Variants in CDC123 observed in about 807,000 individuals in gnomAD.
CDC123 encodes the protein translation initiation factor eIF2 assembly protein.
In CDC123, 37 loss-of-function variants were observed where a neutral mutation model predicts 54.4. The observed-to-expected ratio is 0.68, with a 90% confidence interval of 0.52 to 0.89. The LOEUF (loss-of-function observed/expected upper bound fraction) is 0.89. CDC123 is among the 40% of genes least tolerant of loss of function. CDC123 has a pLI of 0.00. For missense variants in CDC123, 361 were observed against 412.1 expected (o/e 0.88, Z 1.07); for synonymous variants, 144 against 136.8 (o/e 1.05, Z -0.37).
chr10:12,249,100 G>A (rs1452792859), intron 11 of CDC123, among the ~76,000 whole-genome samples: 1 of 148,138 alleles, frequency 6.8e-6, no homozygotes, highest in Non-Finnish European at 1.5e-5. Context: ...CTGCACTCCA[G>A]TCTGAGAACA....
chr10:12,224,886 TGA>T (rs1368764382), intron 6 of CDC123, among the ~76,000 whole-genome samples: 1 of 152,144 alleles, frequency 6.6e-6, no homozygotes, highest in African/African-American at 2.4e-5. Context: ...GTAGCCAGAC[TGA>T]GTTTTCTAGC....
intron 11 of CDC123, chr10:12,247,776 G>A (rs11257615): frequency 0.17 from 26,038 of 152,102 alleles, 2,356 homozygotes; most frequent in East Asian, 0.34. Context: ...CAAGACGGGC[G>A]GATCAGGAAG....
At chr10:12,239,475 G>T (rs1836024997) in intron 10 of CDC123, among the ~76,000 whole-genome samples, 1 of 152,190 alleles carries the variant, frequency 6.6e-6, no homozygotes, top group Non-Finnish European at 1.5e-5. Context: ...CACTTTGGGA[G>T]GCTGAGGCGG....
At chr10:12,240,764 G>T (rs920193812) in intron 10 of CDC123, among the ~76,000 whole-genome samples, 1 of 151,402 alleles carries the variant, frequency 6.6e-6, no homozygotes, top group Admixed American at 6.6e-5. Context: ...AGCTACTCCC[G>T]GGAGCTGAGT....
chr10:12,206,832 G>A (rs368756309), intron 2 of CDC123, among the ~76,000 whole-genome samples: 29 of 151,952 alleles, frequency 1.9e-4, no homozygotes, highest in South Asian at 1.0e-3. Context: ...GGTGGCGGGC[G>A]CCTGGAGTCC....
chr10:12,209,901 C>A, intron 2 of CDC123, 66 bp from the exon 3 acceptor site: 1 of 1,462,738 alleles, frequency 6.8e-7, no homozygotes, highest in Non-Finnish European at 9.6e-7. Context: ...ACTCAGTACC[C>A]CTGAAATTAG....
Position 12,224,908 on chromosome 10 carries a change from G to C in CDC123, c.441-6040G>C, listed in dbSNP as rs142533609. Among the ~76,000 whole-genome samples, 961 of 152,132 alleles carry C rather than the reference G, an allele frequency of 6.3e-3. 12 individuals carry two copies. The highest frequency in any genetic ancestry group is 0.022 in the African/African-American group (900 of 41,488). ...GACTGAGTTTTCTAGCTGAAGCTGC[G>C]GCCCTGAAGGCTATGCTTGGGGTCC... On this transcript the variant is annotated intron_variant, in intron 6 of 12. Coordinates refer to ENST00000281141, the MANE Select transcript of CDC123 (RefSeq NM_006023.3).
intron 1 of CDC123, among the ~76,000 whole-genome samples, chr10:12,197,221 A>G (rs1835367543): frequency 6.6e-6 from 1 of 152,246 alleles, no homozygotes; most frequent in Non-Finnish European, 1.5e-5. Flanking sequence ...TAATCAGCAA[A>G]TAGACATATT....
chr10:12,200,860 G>C (rs148605165), intron 2 of CDC123, among the ~76,000 whole-genome samples: 5,743 of 152,176 alleles, frequency 0.038, 134 homozygotes, highest in African/African-American at 0.043. Context: ...TTGAACGCAG[G>C]AGGTGGAGGT....
intron 6 of CDC123, among the ~76,000 whole-genome samples, chr10:12,229,228 AC>A (rs910442400): frequency 6.6e-6 from 1 of 152,016 alleles, no homozygotes; most frequent in African/African-American, 2.4e-5. Flanking sequence ...CGTTTTTTAA[AC>A]CCCTGGTACC....
rs1283335562 is a variant in CDC123, at chr10:12,235,130, T to G, written c.565+7T>G. The G allele has an allele frequency of 4.1e-5, 66 of 1,606,040 alleles. No homozygotes were observed. The highest frequency in any genetic ancestry group is 1.6e-4 in the Middle Eastern group (1 of 6,064). On this transcript the variant is annotated splice_region_variant and intron_variant, in intron 8 of 12. Transcript: ENST00000281141. ...AAGGAAAACAAGCTTATTGGTGAGT[T>G]TTTGTTTGTTTGTTTGTTTTATCCT...
chr10:12,224,072 C>T (rs1835772331), intron 6 of CDC123, among the ~76,000 whole-genome samples: 1 of 152,022 alleles, frequency 6.6e-6, no homozygotes, highest in African/African-American at 2.4e-5. Context: ...GCCTTTGCGT[C>T]TTCATAGCTT....
intron 2 of CDC123, among the ~76,000 whole-genome samples, chr10:12,204,714 G>A (rs571986489): frequency 6.6e-6 from 1 of 152,102 alleles, no homozygotes; most frequent in South Asian, 2.1e-4. Flanking sequence ...GTCTGTGGTC[G>A]GGTGCTGTGG....
At chr10:12,217,619 C>A (rs1835679897) in intron 6 of CDC123, 152 bp downstream of exon 6, 1 of 715,412 alleles carries the variant, frequency 1.4e-6, no homozygotes, top group African/African-American at 1.8e-5. Context: ...TAAAGCAAAT[C>A]TTTCTTTTCC....
rs551188097 is a variant in CDC123, at chr10:12,244,419, A to T, written c.718-1730A>T. ...CGTGTCAATAGGTGTTCGTGATCGGATGCCGTGGCCGTCATTCCTGGCGGC... is the reference window on the plus strand; with the variant it reads ...CGTGTCAATAGGTGTTCGTGATCGGTTGCCGTGGCCGTCATTCCTGGCGGC... On this transcript the variant is annotated intron_variant, in intron 10 of 12. Transcript: ENST00000281141. Among the ~76,000 whole-genome samples, 5 of 152,340 alleles carry T rather than the reference A, an allele frequency of 3.3e-5. No individual in the cohort carries two copies. In the East Asian group the frequency reaches 7.7e-4, roughly 23 times the overall value.
rs200584206 is a variant in CDC123, at chr10:12,238,530, T to C, written c.717+45T>C. The C allele has an allele frequency of 3.1e-6, 5 of 1,594,702 alleles. No individual in the cohort carries two copies. The East Asian group carries it at 1.1e-4, about 36-fold the overall frequency. ...GATATGCTTTAATATAAGAGCTGGTTTTATAAGCAGGCAGAGCATGCCTTT... is the reference window on the plus strand; with the variant it reads ...GATATGCTTTAATATAAGAGCTGGTCTTATAAGCAGGCAGAGCATGCCTTT... On this transcript the variant is annotated intron_variant, in intron 10 of 12. Coordinates refer to ENST00000281141, the MANE Select transcript of CDC123 (RefSeq NM_006023.3).
rs1280412389 is a variant in CDC123 at position 12,210,023 on chromosome 10, AG to A, written c.204+1del. On this transcript the variant is annotated frameshift_variant and splice_region_variant, in exon 3 of 13. Coordinates refer to ENST00000281141, the MANE Select transcript of CDC123 (RefSeq NM_006023.3). LOFTEE classifies it high-confidence loss of function. ...AGTGATGATGAAGCAGAAGAAATAC[AG>A]GTTGGTACCAAATAAAATAATCTGT... is the stretch of plus-strand genomic sequence containing the variant. ...PDSDDEAEEIQWSDDENTATL... is the reference protein window; with the variant it reads ...PDSDDEAEEIXWSDDENTATL... 6.2e-7 allele frequency: 1 copy of A among 1,613,870 alleles called. No individual in the cohort carries two copies.
intron 2 of CDC123, among the ~76,000 whole-genome samples, chr10:12,204,107 A>C (rs76805417): frequency 6.8e-6 from 1 of 147,862 alleles, no homozygotes; most frequent in Non-Finnish European, 1.5e-5. Context: ...AAAAAAAAAA[A>C]AAAGTATCAG....
intron 9 of CDC123, chr10:12,237,519 C>T (rs903776210): frequency 2.6e-5 from 5 of 188,828 alleles, no homozygotes; most frequent in Admixed American, 6.2e-5. Context: ...GTGCAGCTTC[C>T]ACCTCCCGGG....
Sources: allele counts gnomAD v4.1 joint callset (sites outside exome capture counted in the v4.1 genomes callset), GRCh38; gene constraint gnomAD v4.1.1; transcripts MANE v1.5; gene names NCBI Gene and HGNC (gene_info 2026-07-23, HGNC 2026-07-21).